NINL: variants seen among roughly 807,000 people sequenced by gnomAD.
NINL encodes ninein like.
In NINL, 153 loss-of-function variants were observed where a neutral mutation model predicts 160.3. The ratio of observed to expected loss-of-function variants is 0.95; its 90% CI spans 0.84 to 1.09. NINL has a LOEUF of 1.09. Among genes scored for constraint, NINL ranks in the 50% least tolerant of loss-of-function variants. The pLI is 0.00. For synonymous variants in NINL, 800 were observed against 734.8 expected, an observed-to-expected ratio of 1.09 and a Z score of -1.43; for missense variants, 1,829 against 1,764.0, an observed-to-expected ratio of 1.04 and a Z score of -0.66.
chr20:25,476,358 A>C lies in NINL; in HGVS notation c.2933T>G (p.Ile978Ser), dbSNP rs1304602749. The change falls in exon 17 of 24, where the codon ATT becomes AGT. Residue 978 changes from isoleucine (I) to serine (S), a missense_variant. By Grantham distance (142) the Ile-to-Ser change is moderately radical. Coordinates refer to ENST00000278886, the MANE Select transcript of NINL (RefSeq NM_025176.6). ...CCAGCTTCGTGCTCGCTCTTCCTGAATGGCCTGTAGCCTCTCAGCCTGTCC... is the reference window on the plus strand; with the variant it reads ...CCAGCTTCGTGCTCGCTCTTCCTGACTGGCCTGTAGCCTCTCAGCCTGTCC... ...CRGQAERLQA[I>S]QEERARSWSR... is the part of the protein sequence containing the mutation. 6.2e-7 allele frequency: 1 copy of C among 1,612,004 alleles called. No individual in the cohort carries two copies. Among genetic ancestry groups the C allele is most frequent in the Non-Finnish European group, 8.5e-7 (1 of 1,179,898 alleles).
chr20:25,456,893 T>C (rs1024059530), intron 22 of NINL, among the ~76,000 whole-genome samples: 41 of 151,338 alleles, frequency 2.7e-4, no homozygotes, highest in African/African-American at 9.5e-4. Context: ...GATCGCACCA[T>C]TGCACTCCAG....
chr20:25,478,297 G>A (rs1305145176), intron 16 of NINL, among the ~76,000 whole-genome samples: 3 of 152,164 alleles, frequency 2.0e-5, no homozygotes, highest in East Asian at 3.9e-4. Flanking sequence ...AGTGTGGTGG[G>A]AGGGCCCGTC....
chr20:25,504,444 G>A (rs1340451369), intron 6 of NINL, among the ~76,000 whole-genome samples: 2 of 152,210 alleles, frequency 1.3e-5, no homozygotes, highest in Non-Finnish European at 2.9e-5. Flanking sequence ...GCCCAGCAAG[G>A]ACACAGGGCT....
chr20:25,542,745 A>T (rs1305922516), intron 1 of NINL, among the ~76,000 whole-genome samples: 1 of 85,824 alleles, frequency 1.2e-5, no homozygotes, highest in East Asian at 3.9e-4. Flanking sequence ...AAAAAAAAAA[A>T]AAAGCCTGGG....
chr20:25,481,229 G>A (rs149146165), intron 14 of NINL, among the ~76,000 whole-genome samples: 30 of 152,296 alleles, frequency 2.0e-4, no homozygotes, highest in Non-Finnish European at 3.1e-4. Flanking sequence ...ACGGGGGAGC[G>A]AGGGGAGCAG....
intron 1 of NINL, among the ~76,000 whole-genome samples, chr20:25,539,308 T>C (rs1463562299): frequency 1.3e-5 from 2 of 152,234 alleles, no homozygotes; most frequent in Non-Finnish European, 2.9e-5. Context: ...TAAACAGAGG[T>C]TGGCAATGCT....
chr20:25,527,634 GAT>G (rs752242596), intron 1 of NINL, among the ~76,000 whole-genome samples: 4 of 151,346 alleles, frequency 2.6e-5, no homozygotes, highest in Non-Finnish European at 2.9e-5. Flanking sequence ...AATCACAAAA[GAT>G]ATATATATAT....
At chr20:25,520,109 G>T (rs2064237022) in intron 2 of NINL, among the ~76,000 whole-genome samples, 1 of 150,568 alleles carries the variant, frequency 6.6e-6, no homozygotes, top group Non-Finnish European at 1.5e-5. Context: ...CCAGGCAGTG[G>T]TTGACCTTTG....
intron 18 of NINL, among the ~76,000 whole-genome samples, chr20:25,469,115 G>A (rs2063015483): frequency 7.4e-6 from 1 of 134,430 alleles, no homozygotes; most frequent in Non-Finnish European, 1.6e-5. Flanking sequence ...GTGCCCCACT[G>A]CCCTGTCCCC....
At chr20:25,491,972 G>T (rs2063651073) in intron 10 of NINL, among the ~76,000 whole-genome samples, 1 of 152,212 alleles carries the variant, frequency 6.6e-6, no homozygotes, top group Admixed American at 6.5e-5. Context: ...AAGAGGTGGG[G>T]GATATTTTTT....
At chr20:25,486,765 C>T (rs906165785) in intron 13 of NINL, among the ~76,000 whole-genome samples, 19 of 152,098 alleles carry the variant, frequency 1.2e-4, no homozygotes, top group Admixed American at 5.2e-4. Context: ...TGCAAAGCAA[C>T]GTGCGGCAGG....
intron 1 of NINL, among the ~76,000 whole-genome samples, chr20:25,570,016 TAAA>T (rs61326896): frequency 7.1e-6 from 1 of 140,694 alleles, no homozygotes; most frequent in Non-Finnish European, 1.6e-5. Flanking sequence ...CTGTCTCCAC[TAAA>T]AAAAAAAAAA....
intron 1 of NINL, among the ~76,000 whole-genome samples, chr20:25,555,265 G>A (rs1300857730): frequency 6.6e-6 from 1 of 152,016 alleles, no homozygotes; most frequent in Non-Finnish European, 1.5e-5. Context: ...CACCTCTTCC[G>A]TAACGTACAG....
intron 9 of NINL, among the ~76,000 whole-genome samples, 169 bp from the exon 10 acceptor site, chr20:25,496,972 T>C (rs538444143): frequency 3.3e-5 from 5 of 152,316 alleles, no homozygotes; most frequent in Admixed American, 3.3e-4. Flanking sequence ...ACAACTGCTA[T>C]GCTCATTTTA....
At chr20:25,522,042 T>A (rs929749858) in intron 2 of NINL, among the ~76,000 whole-genome samples, 1 of 152,020 alleles carries the variant, frequency 6.6e-6, no homozygotes, top group African/African-American at 2.4e-5. Context: ...AGTAGGTGGG[T>A]CTACATGTGT....
chr20:25,498,534 C>T (rs1601155593), intron 8 of NINL, among the ~76,000 whole-genome samples, 188 bp from the exon 9 acceptor site: 1 of 152,214 alleles, frequency 6.6e-6, no homozygotes, highest in Non-Finnish European at 1.5e-5. Flanking sequence ...CTCTGGTGGG[C>T]TGTCAATGGC....
intron 2 of NINL, among the ~76,000 whole-genome samples, chr20:25,523,777 G>C (rs2064305417): frequency 6.6e-6 from 1 of 151,292 alleles, no homozygotes; most frequent in Non-Finnish European, 1.5e-5. Context: ...TGAGTAGCTG[G>C]GATTACAGGT....
At chr20:25,489,095 G>A (rs2063564516) in intron 13 of NINL, 149 bp downstream of exon 13, 1 of 771,358 alleles carries the variant, frequency 1.3e-6, no homozygotes, top group Non-Finnish European at 2.3e-6. Flanking sequence ...GGAACCCTAA[G>A]TCTAGGAGTG....
At chr20:25,478,821 C>T (rs763533497) in intron 16 of NINL, 102 bp downstream of exon 16, 12 of 1,374,340 alleles carry the variant, frequency 8.7e-6, no homozygotes, top group South Asian at 7.4e-5. Flanking sequence ...ACCACCCAGT[C>T]GGGAGGCACA....
Sources: allele counts gnomAD v4.1 joint callset (sites outside exome capture counted in the v4.1 genomes callset), GRCh38; gene constraint gnomAD v4.1.1; transcripts MANE v1.5; gene names NCBI Gene and HGNC (gene_info 2026-07-23, HGNC 2026-07-21).